The following AFG2A variants were observed in gnomAD, a reference collection of about 807,000 sequenced individuals.
The protein encoded by AFG2A is ATPase family gene 2 protein homolog A.
the AFG2A span, among the ~76,000 whole-genome samples, chr4:123,240,903 A>G: frequency 6.6e-6 from 1 of 152,182 alleles, no homozygotes; most frequent in South Asian, 2.1e-4. Flanking sequence ...AATAAAGAAG[A>G]AAAGGGAGAA....
At chr4:122,932,114 T>A in the AFG2A span, among the ~76,000 whole-genome samples, 1 of 150,986 alleles carries the variant, frequency 6.6e-6, no homozygotes, top group Non-Finnish European at 1.5e-5. Flanking sequence ...AAAAAATATA[T>A]ATGTATAAAA....
chr4:122,956,909 A>G, the AFG2A span, among the ~76,000 whole-genome samples: 14 of 152,198 alleles, frequency 9.2e-5, no homozygotes, highest in African/African-American at 3.1e-4. Context: ...GAATTTTCTA[A>G]TGAGGCAGGG....
At chr4:123,309,551 G>A in the AFG2A span, among the ~76,000 whole-genome samples, 2 of 152,158 alleles carry the variant, frequency 1.3e-5, no homozygotes, top group Admixed American at 1.3e-4. Context: ...CCATTGCACT[G>A]GGTTAAAGAA....
At chr4:122,998,542 A>G in the AFG2A span, among the ~76,000 whole-genome samples, 1 of 151,176 alleles carries the variant, frequency 6.6e-6, no homozygotes, top group African/African-American at 2.4e-5. Flanking sequence ...ATTCCCACCT[A>G]TGAGTGAGAA....
At chr4:123,245,219 G>A in the AFG2A span, among the ~76,000 whole-genome samples, 1 of 152,236 alleles carries the variant, frequency 6.6e-6, no homozygotes, top group South Asian at 2.1e-4. Context: ...AGACGATGCT[G>A]GGAAAAGAAG....
the AFG2A span, among the ~76,000 whole-genome samples, chr4:123,003,986 G>C: frequency 3.4e-3 from 516 of 152,316 alleles, 2 homozygotes; most frequent in African/African-American, 0.012. Context: ...TGGCTGTTTT[G>C]TTTACCTAAG....
chr4:122,938,311 T>C, the AFG2A span: 1 of 1,367,990 alleles, frequency 7.3e-7, no homozygotes, highest in Non-Finnish European at 9.5e-7. Flanking sequence ...TGTGTAGTGG[T>C]AAAAACTATT....
the AFG2A span, among the ~76,000 whole-genome samples, chr4:123,088,307 C>A: frequency 1.3e-5 from 2 of 152,056 alleles, no homozygotes; most frequent in African/African-American, 4.8e-5. Context: ...TGAGACCTGT[C>A]CATATTACCT....
At chr4:123,121,568 G>T in the AFG2A span, among the ~76,000 whole-genome samples, 1 of 152,256 alleles carries the variant, frequency 6.6e-6, no homozygotes, top group East Asian at 1.9e-4. Flanking sequence ...GATATGTTTA[G>T]ACACAAATAC....
At chr4:123,296,089 G>A in the AFG2A span, among the ~76,000 whole-genome samples, 2 of 151,736 alleles carry the variant, frequency 1.3e-5, no homozygotes, top group Non-Finnish European at 2.9e-5. Context: ...CAAAAGACCT[G>A]GACAATCATA....
the AFG2A span, among the ~76,000 whole-genome samples, chr4:123,199,981 A>G: frequency 6.6e-6 from 1 of 152,222 alleles, no homozygotes; most frequent in Admixed American, 6.5e-5. Flanking sequence ...TTACTTAATT[A>G]TAAAACATGT....
chr4:123,002,561 T>C, the AFG2A span, among the ~76,000 whole-genome samples: 3 of 151,948 alleles, frequency 2.0e-5, no homozygotes, highest in East Asian at 5.8e-4. Context: ...CCTTCACTTA[T>C]GAAGCTTAGT....
chr4:123,145,071 C>G, the AFG2A span, among the ~76,000 whole-genome samples: 1 of 152,016 alleles, frequency 6.6e-6, no homozygotes, highest in African/African-American at 2.4e-5. Context: ...AAATTGGAAG[C>G]TTCTAAAAGG....
the AFG2A span, among the ~76,000 whole-genome samples, chr4:123,020,998 C>T: frequency 6.6e-6 from 1 of 152,144 alleles, no homozygotes; most frequent in Non-Finnish European, 1.5e-5. Context: ...CATTGTCTAT[C>T]ACTGGCCTTG....
the AFG2A span, among the ~76,000 whole-genome samples, chr4:123,014,396 A>C: frequency 6.6e-6 from 1 of 151,068 alleles, no homozygotes; most frequent in African/African-American, 2.5e-5. Context: ...ATTTTTTATG[A>C]GTTTTTTTTC....
At chr4:123,292,439 G>A in the AFG2A span, among the ~76,000 whole-genome samples, 19 of 152,218 alleles carry the variant, frequency 1.2e-4, no homozygotes, top group South Asian at 3.9e-3. Context: ...TTGTAGAACT[G>A]TGCTTTTTAT....
At chr4:123,134,716 A>G in the AFG2A span, among the ~76,000 whole-genome samples, 5 of 151,918 alleles carry the variant, frequency 3.3e-5, no homozygotes, top group Non-Finnish European at 7.4e-5. Flanking sequence ...GAATCAAGAG[A>G]TTGGAAATCT....
chr4:123,184,035 A>T, the AFG2A span, among the ~76,000 whole-genome samples: 5 of 151,940 alleles, frequency 3.3e-5, no homozygotes, highest in Admixed American at 3.3e-4. Flanking sequence ...GGCTCAAGTG[A>T]TCCTCCCAAC....
At chr4:123,239,860 C>A in the AFG2A span, among the ~76,000 whole-genome samples, 1 of 152,156 alleles carries the variant, frequency 6.6e-6, no homozygotes, top group African/African-American at 2.4e-5. Flanking sequence ...GGGCTAAATG[C>A]TCCAATTAAA....
Sources: allele counts gnomAD v4.1 joint callset (sites outside exome capture counted in the v4.1 genomes callset), GRCh38; gene constraint gnomAD v4.1.1; transcripts MANE v1.5; gene names NCBI Gene and HGNC (gene_info 2026-07-23, HGNC 2026-07-21).